The following ACYP2 variants were observed in gnomAD, a reference collection of about 807,000 sequenced individuals.
The protein encoded by ACYP2 is acylphosphatase 2.
ACYP2 carries 12 observed loss-of-function variants against 11.2 expected under a neutral mutation model. That is an observed-to-expected ratio of 1.08 (90% CI 0.69 to 1.74). The LOEUF (loss-of-function observed/expected upper bound fraction) is 1.74, where lower values mean the gene tolerates loss of function less well. Among genes scored for constraint, ACYP2 ranks in the 40% most tolerant of loss-of-function variants. The pLI is 0.00. For missense variants in ACYP2, 134 were observed against 101.9 expected (o/e 1.31, Z -1.35); for synonymous variants, 43 against 32.2 (o/e 1.33, Z -1.13).
At chr2:54,272,074 T>C (rs988830079) in intron 6 of ACYP2, among the ~76,000 whole-genome samples, 1 of 152,180 alleles carries the variant, frequency 6.6e-6, no homozygotes, top group South Asian at 2.1e-4. Context: ...AGCACCTTCT[T>C]TTCATGGATC....
intron 4 of ACYP2, among the ~76,000 whole-genome samples, chr2:54,075,015 T>C (rs923059252): frequency 6.6e-6 from 1 of 152,186 alleles, no homozygotes; most frequent in African/African-American, 2.4e-5. Flanking sequence ...AAATTAATCA[T>C]TATAATGGCC....
chr2:54,208,131 C>T (rs1254028893), intron 6 of ACYP2, among the ~76,000 whole-genome samples: 3 of 152,072 alleles, frequency 2.0e-5, no homozygotes, highest in Non-Finnish European at 4.4e-5. Context: ...CAGTCACACT[C>T]ACCCTCTAAT....
chr2:54,232,268 GTAC>G (rs1686267007), intron 6 of ACYP2, among the ~76,000 whole-genome samples: 1 of 152,104 alleles, frequency 6.6e-6, no homozygotes. Flanking sequence ...TGACATCTTT[GTAC>G]TACACTCTCC....
chr2:54,264,505 G>C (rs1687929788), intron 6 of ACYP2, among the ~76,000 whole-genome samples: 1 of 152,218 alleles, frequency 6.6e-6, no homozygotes, highest in Non-Finnish European at 1.5e-5. Flanking sequence ...TTAGAATGAA[G>C]AAGGCAGAAG....
At chr2:53,997,095 C>G (rs1308037880) in intron 2 of ACYP2, among the ~76,000 whole-genome samples, 1 of 152,138 alleles carries the variant, frequency 6.6e-6, no homozygotes, top group Non-Finnish European at 1.5e-5. Context: ...ATTTACAGAT[C>G]TCTTGTTGCT....
chr2:54,123,147 G>C (rs1296993251), intron 4 of ACYP2: 2 of 386,308 alleles, frequency 5.2e-6, no homozygotes, highest in African/African-American at 4.1e-5. Flanking sequence ...ATGTCCCTGT[G>C]ACAAGGGCAG....
chr2:54,253,141 T>C (rs1207309128), intron 6 of ACYP2: 1 of 152,232 alleles, frequency 6.6e-6, no homozygotes, highest in African/African-American at 2.4e-5. Context: ...AATTACTAAG[T>C]TGTTACCAGG....
intron 6 of ACYP2, among the ~76,000 whole-genome samples, chr2:54,223,918 TAAATA>T (rs1685898114): frequency 6.6e-6 from 1 of 152,218 alleles, no homozygotes; most frequent in Non-Finnish European, 1.5e-5. Flanking sequence ...TTTTATTTAT[TAAATA>T]AAACATTTAT....
chr2:54,122,982 G>A (rs546763075), intron 4 of ACYP2, among the ~76,000 whole-genome samples: 1 of 152,282 alleles, frequency 6.6e-6, no homozygotes, highest in Admixed American at 6.5e-5. Context: ...ATTAAACAGT[G>A]GCCACCCCAA....
intron 6 of ACYP2, among the ~76,000 whole-genome samples, chr2:54,211,180 CAG>C (rs72176913): frequency 0.02 from 3,045 of 152,208 alleles, 95 homozygotes; most frequent in African/African-American, 0.07. Context: ...AAAATTAAAA[CAG>C]AAATATTTTT....
intron 6 of ACYP2, among the ~76,000 whole-genome samples, chr2:54,211,499 T>C (rs1219518917): frequency 6.6e-6 from 1 of 152,254 alleles, no homozygotes; most frequent in East Asian, 1.9e-4. Flanking sequence ...TATCCTGATC[T>C]ACCTAGTTTG....
intron 2 of ACYP2, among the ~76,000 whole-genome samples, chr2:54,049,514 A>G (rs1675718766): frequency 1.3e-5 from 2 of 152,066 alleles, no homozygotes; most frequent in Non-Finnish European, 2.9e-5. Context: ...TTAACTTTAC[A>G]TTCTTTTTGT....
chr2:54,109,553 T>C (rs1572772442), intron 4 of ACYP2, among the ~76,000 whole-genome samples: 1 of 152,204 alleles, frequency 6.6e-6, no homozygotes, highest in Middle Eastern at 3.4e-3. Context: ...CCCCCAAACC[T>C]ATTGAGATAA....
At chr2:54,275,045 A>T (rs989655180) in intron 6 of ACYP2, among the ~76,000 whole-genome samples, 5 of 151,832 alleles carry the variant, frequency 3.3e-5, no homozygotes, top group African/African-American at 1.2e-4. Flanking sequence ...ATTATTTTTA[A>T]GTTCTGTGTA....
chr2:54,194,029 C>G (rs1343081865), intron 6 of ACYP2, among the ~76,000 whole-genome samples: 1 of 152,024 alleles, frequency 6.6e-6, no homozygotes, highest in Admixed American at 6.6e-5. Context: ...ATCTTTCACC[C>G]CATCAACATT....
At chr2:54,009,931 G>A (rs1007949061) in intron 2 of ACYP2, among the ~76,000 whole-genome samples, 4 of 152,176 alleles carry the variant, frequency 2.6e-5, no homozygotes, top group African/African-American at 9.7e-5. Flanking sequence ...CTCAGCTAGT[G>A]AAGGGCAGTG....
intron 4 of ACYP2, among the ~76,000 whole-genome samples, chr2:54,125,763 C>CAA (rs1233900634): frequency 6.7e-6 from 1 of 149,048 alleles, no homozygotes; most frequent in Non-Finnish European, 1.5e-5. Flanking sequence ...AAAACAAAAA[C>CAA]AAAACTAGTT....
chr2:53,999,272 A>G (rs952379666), intron 2 of ACYP2, among the ~76,000 whole-genome samples: 49 of 152,200 alleles, frequency 3.2e-4, no homozygotes, highest in African/African-American at 1.2e-3. Context: ...TGAGCCCTCA[A>G]ATATACACAT....
chr2:54,234,068 G>A (rs533621280), intron 6 of ACYP2, among the ~76,000 whole-genome samples: 18 of 141,188 alleles, frequency 1.3e-4, no homozygotes, highest in African/African-American at 4.6e-4. Flanking sequence ...AGCCAAATCA[G>A]GTCTGTAGGT....
Sources: allele counts gnomAD v4.1 joint callset (sites outside exome capture counted in the v4.1 genomes callset), GRCh38; gene constraint gnomAD v4.1.1; transcripts MANE v1.5; gene names NCBI Gene and HGNC (gene_info 2026-07-23, HGNC 2026-07-21).